The following GON4L variants were observed in gnomAD, a reference collection of about 807,000 sequenced individuals.
The protein encoded by GON4L is gon-4 like.
Under a neutral mutation model 211.8 loss-of-function variants are expected in GON4L, and 87 were observed. The ratio of observed to expected loss-of-function variants is 0.41; its 90% CI spans 0.35 to 0.49. The LOEUF is 0.49. Among genes scored for constraint, GON4L ranks in the 20% least tolerant of loss-of-function variants. The pLI is 0.15. For synonymous variants in GON4L, 875 were observed against 962.6 expected (o/e 0.91, Z 1.68); for missense variants, 2,155 against 2,659.5 (o/e 0.81, Z 4.17).
chr1:155,819,074 G>C (rs1287579426), intron 6 of GON4L, among the ~76,000 whole-genome samples: 1 of 152,084 alleles, frequency 6.6e-6, no homozygotes, highest in African/African-American at 2.4e-5. Flanking sequence ...CAGATGATTT[G>C]AGGTCAGGAG....
chr1:155,838,419 T>A (rs1670499279), intron 2 of GON4L, among the ~76,000 whole-genome samples: 1 of 152,192 alleles, frequency 6.6e-6, no homozygotes, highest in Admixed American at 6.6e-5. Context: ...GGGGTTCACC[T>A]AATGTTCAGA....
intron 12 of GON4L, among the ~76,000 whole-genome samples, chr1:155,788,217 T>C (rs1203020440): frequency 6.6e-6 from 1 of 152,028 alleles, no homozygotes; most frequent in South Asian, 2.1e-4. Flanking sequence ...GGTCTTGAAC[T>C]CCTGACCTCA....
intron 13 of GON4L, chr1:155,784,928 T>G: frequency 9.5e-6 from 3 of 314,850 alleles, no homozygotes; most frequent in South Asian, 8.6e-5. Context: ...ACCTGAGCAA[T>G]GTGGTAAGAC....
At position 155,766,483 on chromosome 1, in the gene GON4L, C is replaced by T. The variant is rs759286454; in HGVS notation, c.2990G>A (p.Arg997His). The T allele has an allele frequency of 2.2e-4, 363 of 1,613,922 alleles. 1 individual carries two copies. In the Admixed American group the frequency reaches 4.7e-3, roughly 21 times the overall value. ...AAGGAGGGGCTTCAGGACTGATGAA[C>T]GCTTCTGTCTCCAAGCCTTCCTGGG... Reference protein sequence around the residue: ...RFPRKAWRQKRSSVLKPLLIQ... With the variant: ...RFPRKAWRQKHSSVLKPLLIQ... The change falls in exon 21 of 32, where the codon CGT becomes CAT. Residue 997 changes from arginine (R) to histidine (H), a missense_variant. By Grantham distance (29) the Arg-to-His change is conservative. This residue lies in a region of GON4L where 615 missense variants were observed against 625.7 expected (regional missense o/e 0.98). Transcript: ENST00000368331.
At chr1:155,766,910 G>C (rs1198322098) in intron 20 of GON4L, among the ~76,000 whole-genome samples, 2 of 152,152 alleles carry the variant, frequency 1.3e-5, no homozygotes, top group Non-Finnish European at 2.9e-5. Context: ...GTTGGGTGTG[G>C]TGGCATGTGC....
Position 155,815,866 on chromosome 1 carries a change from T to C in GON4L, c.1100A>G (p.Asp367Gly). 6.2e-7 allele frequency: 1 copy of C among 1,607,322 alleles called. No individual in the cohort carries two copies. The highest frequency in any genetic ancestry group is 8.5e-7 in the Non-Finnish European group (1 of 1,173,892). ...PQFVDIHLEE[D>G]DSSDEEYQPD... ...CTGGTATTCTTCATCTGAGGAATCA[T>C]CTTCTTCAAGGTGGATATCCACAAA... Residue 367 changes from aspartate to glycine, a missense_variant, in exon 8 of 32, where the codon GAT becomes GGT. Transcript: ENST00000368331.
At chr1:155,841,929 G>C (rs1427631060) in intron 2 of GON4L, among the ~76,000 whole-genome samples, 1 of 152,170 alleles carries the variant, frequency 6.6e-6, no homozygotes, top group East Asian at 1.9e-4. Flanking sequence ...CTGGGAGCCT[G>C]AGGCAGGAGA....
chr1:155,747,737 T>C (rs145509034), downstream of GON4L: 83 of 1,613,844 alleles, frequency 5.1e-5, no homozygotes, highest in Non-Finnish European at 6.9e-5. Context: ...CTGCTAACTA[T>C]CTTTCGTCAC....
chr1:155,853,395 T>C lies in GON4L; in HGVS notation c.386A>G (p.Lys129Arg). Residue 129 changes from lysine (K) to arginine (R), a missense_variant, in exon 2 of 32, where the codon AAG becomes AGG. By Grantham distance (26) the Lys-to-Arg change is conservative. Around this residue, in one of 6 missense-constraint regions of GON4L, gnomAD observed 313 missense variants for 293.2 expected, o/e 1.07. Transcript: ENST00000368331. ...CCTGAGTGTCATTTTTTTCCCTCTCTTTGAGCCAGTAGCGTGGAGTTTTCC... is the reference window on the plus strand; with the variant it reads ...CCTGAGTGTCATTTTTTTCCCTCTCCTTGAGCCAGTAGCGTGGAGTTTTCC... ...GKGKLHATGS[K>R]RGKKMTLRPG... 6.2e-7 allele frequency: 1 copy of C among 1,614,210 alleles called. No homozygotes were observed. Among genetic ancestry groups the C allele is most frequent in the South Asian group, 1.1e-5 (1 of 91,086 alleles).
intron 10 of GON4L, among the ~76,000 whole-genome samples, chr1:155,809,591 T>G (rs1667494473): frequency 7.6e-6 from 1 of 131,788 alleles, no homozygotes; most frequent in African/African-American, 2.8e-5. Context: ...ATTATATACT[T>G]ATATATACTT....
At position 155,788,153 on chromosome 1, in the gene GON4L, G is replaced by A. The variant is rs908171390; in HGVS notation, c.1748-2779C>T. Among the ~76,000 whole-genome samples, 52 of 152,114 alleles carry A rather than the reference G, an allele frequency of 3.4e-4. 1 individual carries two copies. Among genetic ancestry groups the A allele is most frequent in the East Asian group, 9.7e-4 (5 of 5,142 alleles). On this transcript the variant is annotated intron_variant, in intron 12 of 31. Transcript: ENST00000368331. ...ACTACAGGCATGCGCCACCACGCCT[G>A]GCTAATTTTTTGTAGTTTTAGTAGC... is the stretch of plus-strand genomic sequence containing the variant.
At position 155,785,206 on chromosome 1, in the gene GON4L, T is replaced by TTC. The variant is rs1377131036; in HGVS notation, c.1788+127_1788+128insGA. The TTC allele has an allele frequency of 1.5e-5, 12 of 775,478 alleles. No individual in the cohort carries two copies. In the Admixed American group the frequency reaches 2.1e-4, roughly 13 times the overall value. 48.0% of individuals were successfully genotyped at this position (775,478 alleles called of 1,614,324 possible). ...CCTTGTCATTATATTCTTTCCCAGG[T>TTC]AGACTAAAAGGAGAATTGGTTCAGT... On this transcript the variant is annotated intron_variant, in intron 13 of 31. Coordinates refer to ENST00000368331, the MANE Select transcript of GON4L (RefSeq NM_001282860.2).
At chr1:155,748,386 G>A (rs1462885838), downstream of GON4L, 10 of 1,604,524 alleles carry the variant, frequency 6.2e-6, no homozygotes, top group East Asian at 1.8e-4. Context: ...GCCCCTCTTG[G>A]TGTCTTCTTA....
At chr1:155,838,675 C>A (rs1261584971) in intron 2 of GON4L, among the ~76,000 whole-genome samples, 2 of 151,472 alleles carry the variant, frequency 1.3e-5, no homozygotes, top group Non-Finnish European at 2.9e-5. Context: ...GAGGCTGAGG[C>A]CCAAGAAGCT....
chr1:155,761,746 C>T (rs528827161), intron 23 of GON4L, among the ~76,000 whole-genome samples: 25 of 152,218 alleles, frequency 1.6e-4, no homozygotes, highest in Admixed American at 1.1e-3. Flanking sequence ...CCACCCACCT[C>T]GGCCTCCCAA....
intron 11 of GON4L, among the ~76,000 whole-genome samples, chr1:155,797,054 T>C (rs143969028): frequency 3.2e-4 from 48 of 152,278 alleles, no homozygotes; most frequent in African/African-American, 1.1e-3. Flanking sequence ...ACAGAGTATC[T>C]AGAAAGAAAC....
chr1:155,845,638 AAT>A (rs1671166019), intron 2 of GON4L: 3 of 332,988 alleles, frequency 9.0e-6, no homozygotes, highest in Non-Finnish European at 1.8e-5. Context: ...CCAGGGAAAG[AAT>A]AGTTGAGTGG....
At position 155,813,581 on chromosome 1, in the gene GON4L, C is replaced by T. The variant is rs1667976502; in HGVS notation, c.1452+53G>A. 3.0e-6 allele frequency: 4 copies of T among 1,323,024 alleles called. No homozygotes were observed. In the South Asian group the frequency reaches 3.5e-5, roughly 12 times the overall value. The allele number at this position is 1,323,024 out of a possible 1,614,324, so 82.0% of individuals were successfully genotyped here. A position where few individuals can be genotyped will look rare whatever the true frequency, so the allele number is the denominator to read the frequency against. ...TCCTCTCCCTTCCCAGCCTGAGCAA[C>T]AACTACATTACTCCACTTGACTTTC... On this transcript the variant is annotated intron_variant, in intron 10 of 31. Transcript: ENST00000368331.
intron 24 of GON4L, 95 bp downstream of exon 24, chr1:155,760,349 G>A (rs1385632963): frequency 8.0e-6 from 6 of 745,368 alleles, no homozygotes; most frequent in Non-Finnish European, 1.4e-5. Context: ...TCTGGAAGGA[G>A]CTGGGAGACT....
Sources: gnomAD v4.1 joint callset for allele counts (sites outside exome capture counted in the v4.1 genomes callset) on GRCh38, gnomAD v4.1.1 for gene constraint, gnomAD v4.1.1 regional missense constraint, MANE v1.5 for transcripts, NCBI Gene and HGNC (gene_info 2026-07-23, HGNC 2026-07-21) for gene names.